EXOSC4: variants seen among roughly 807,000 people sequenced by gnomAD.
EXOSC4 encodes the protein exosome complex component RRP41.
EXOSC4 carries 14 observed loss-of-function variants against 20.0 expected under a neutral mutation model. The ratio of observed to expected loss-of-function variants is 0.70; its 90% CI spans 0.46 to 1.09. The LOEUF is 1.09. Among genes scored for constraint, EXOSC4 ranks in the 50% least tolerant of loss-of-function variants. EXOSC4 has a pLI of 0.00. For missense variants in EXOSC4, 337 were observed against 334.0 expected, an observed-to-expected ratio of 1.01 and a Z score of -0.07; for synonymous variants, 148 against 146.4, an observed-to-expected ratio of 1.01 and a Z score of -0.08.
At chr8:144,072,097 G>A in the EXOSC4 span, among the ~76,000 whole-genome samples, 22 of 152,344 alleles carry the variant, frequency 1.4e-4, no homozygotes, top group East Asian at 3.9e-4. Flanking sequence ...TACGACATCC[G>A]TCACCTGGGT....
At chr8:144,065,287 T>C in the EXOSC4 span, among the ~76,000 whole-genome samples, 3 of 152,346 alleles carry the variant, frequency 2.0e-5, no homozygotes, top group Admixed American at 6.5e-5. Context: ...ATTTGTAGAC[T>C]GTCCTGGGAT....
chr8:144,064,309 C>T, the EXOSC4 span, among the ~76,000 whole-genome samples: 1 of 152,266 alleles, frequency 6.6e-6, no homozygotes, highest in Non-Finnish European at 1.5e-5. Context: ...CCAGCCACAG[C>T]CTCCAGGCCT....
rs781997916 is a variant in EXOSC4, at chr8:144,080,093, G to C, written c.322G>C (p.Glu108Gln). The C allele has an allele frequency of 6.8e-6, 11 of 1,614,062 alleles. No individual in the cohort carries two copies. The South Asian group carries it at 1.2e-4, about 18-fold the overall frequency. ...EMGLQLRQTF[E>Q]AAILTQLHPR... ...GGGCCTGCAGCTCCGCCAGACTTTCGAAGCAGCCATCCTCACACAGCTGCA... is the reference window on the plus strand; with the variant it reads ...GGGCCTGCAGCTCCGCCAGACTTTCCAAGCAGCCATCCTCACACAGCTGCA... Residue 108 changes from glutamate to glutamine, a missense_variant, in exon 2 of 3, where the codon GAA becomes CAA. Coordinates refer to ENST00000316052, the MANE Select transcript of EXOSC4 (RefSeq NM_019037.3). This position sits in a 1 kb window ranked among gnomAD's most constrained non-coding sequence, Gnocchi z 4.9.
chr8:144,070,680 T>C, the EXOSC4 span, among the ~76,000 whole-genome samples: 2 of 148,256 alleles, frequency 1.3e-5, no homozygotes, highest in African/African-American at 5.0e-5. Context: ...TACAAAACAT[T>C]AGCCGGGCAT....
chr8:144,078,591 G>T, upstream of EXOSC4: 4 of 962,248 alleles, frequency 4.2e-6, no homozygotes, highest in Non-Finnish European at 4.3e-6. The surrounding 1 kb of genome is among the most constrained non-coding windows in gnomAD (Gnocchi z 4.7). Context: ...GGGCCGCGGA[G>T]AGCTGTAGTT....
Position 144,080,052 on chromosome 8 carries a change from G to A in EXOSC4, c.281G>A (p.Arg94His), listed in dbSNP as rs781952585. 1.7e-5 allele frequency: 28 copies of A among 1,613,960 alleles called. No individual in the cohort carries two copies. In the African/African-American group the frequency reaches 2.1e-4, roughly 12 times the overall value. ...GERKRRPHGD[R>H]KSCEMGLQLR... ...CGCAAGCGACGGCCACATGGGGACC[G>A]TAAGTCCTGTGAGATGGGCCTGCAG... is the stretch of plus-strand genomic sequence containing the variant. Residue 94 changes from arginine (R) to histidine (H), a missense_variant, in exon 2 of 3, where the codon CGT (arginine) becomes CAT (histidine). Arg to His is a conservative substitution (Grantham distance 29). Transcript: ENST00000316052. The surrounding 1 kb of genome is among the most constrained non-coding windows in gnomAD (Gnocchi z 4.9).
upstream of EXOSC4, among the ~76,000 whole-genome samples, chr8:144,075,081 T>C (rs1554762577): frequency 2.0e-5 from 3 of 151,970 alleles, no homozygotes; most frequent in East Asian, 5.8e-4. Flanking sequence ...GTTTTTTGTT[T>C]TGACAGGGTC....
the EXOSC4 span, among the ~76,000 whole-genome samples, chr8:144,070,742 C>T: frequency 2.0e-5 from 3 of 151,948 alleles, no homozygotes; most frequent in Non-Finnish European, 4.4e-5. Flanking sequence ...GCAGGAGAAT[C>T]CCTTGAACCC....
chr8:144,070,358 T>C, the EXOSC4 span, among the ~76,000 whole-genome samples: 1 of 151,898 alleles, frequency 6.6e-6, no homozygotes, highest in Non-Finnish European at 1.5e-5. Context: ...ACCCCGTCTC[T>C]AATAAAAATA....
chr8:144,067,192 A>C, the EXOSC4 span, among the ~76,000 whole-genome samples: 84 of 152,356 alleles, frequency 5.5e-4, no homozygotes, highest in African/African-American at 2.0e-3. Context: ...AATTCTCAGA[A>C]GGCTTCCAGG....
chr8:144,080,248 C>T lies in EXOSC4; in HGVS notation c.385C>T (p.Gln129Ter). The part of the protein sequence containing the change: ...SQIDIYVQVL[Q>*]ADGGTYAACV... ...CACCCTGGGTTCCCTGCAGGTGCTA[C>T]AGGCAGATGGTGGGACCTATGCAGC... The change falls in exon 3 of 3, where the codon CAG becomes TAG. Residue 129 changes from glutamine (Q) to a stop codon, truncating the protein, a stop_gained. Transcript: ENST00000316052. LOFTEE classifies it high-confidence loss of function. The surrounding 1 kb of genome is among the most constrained non-coding windows in gnomAD (Gnocchi z 4.9). 6.2e-7 allele frequency: 1 copy of T among 1,613,102 alleles called. No homozygotes were observed. Among genetic ancestry groups the T allele is most frequent in the Non-Finnish European group, 8.5e-7 (1 of 1,179,400 alleles).
chr8:144,076,551 G>A (rs551091614), upstream of EXOSC4, among the ~76,000 whole-genome samples: 2 of 152,324 alleles, frequency 1.3e-5, no homozygotes, highest in African/African-American at 4.8e-5. Context: ...TCCTAAACCT[G>A]TAATGCTGCC....
At chr8:144,076,940 G>A (rs1554762823), upstream of EXOSC4, among the ~76,000 whole-genome samples, 1 of 152,122 alleles carries the variant, frequency 6.6e-6, no homozygotes, top group Non-Finnish European at 1.5e-5. Context: ...GCATGGTGGT[G>A]CATGCCTGTA....
rs782582326 is a variant in EXOSC4, at chr8:144,080,160, T to C, written c.378+11T>C. 1 of 1,608,652 alleles carries C rather than the reference T, an allele frequency of 6.2e-7. No individual in the cohort carries two copies. The highest frequency in any genetic ancestry group is 8.5e-7 in the Non-Finnish European group (1 of 1,175,838). ...GATATCTATGTGCAGGTGAGCCAGC[T>C]GCAGCCGTCAATCCAGGGAGGGAAG... On this transcript the variant is annotated intron_variant, in intron 2 of 2. Transcript: ENST00000316052. The surrounding 1 kb of genome is among the most constrained non-coding windows in gnomAD (Gnocchi z 4.9).
the EXOSC4 span, among the ~76,000 whole-genome samples, chr8:144,072,381 A>T: frequency 6.6e-6 from 1 of 152,162 alleles, no homozygotes; most frequent in Non-Finnish European, 1.5e-5. Flanking sequence ...GGATTTCACC[A>T]TGGTGGCCAG....
chr8:144,070,753 G>A, the EXOSC4 span, among the ~76,000 whole-genome samples: 2 of 150,832 alleles, frequency 1.3e-5, no homozygotes, highest in Admixed American at 6.6e-5. Context: ...CCTTGAACCC[G>A]GGAGGCAGAA....
the EXOSC4 span, among the ~76,000 whole-genome samples, chr8:144,064,156 T>A: frequency 6.6e-6 from 1 of 152,344 alleles, no homozygotes; most frequent in Non-Finnish European, 1.5e-5. Flanking sequence ...TGCCCAGAAC[T>A]GTCCCAGGTC....
At chr8:144,079,154 A>C in intron 1 of EXOSC4, 1 of 377,506 alleles carries the variant, frequency 2.6e-6, no homozygotes, top group South Asian at 7.7e-5. Flanking sequence ...GCACTCCCCC[A>C]CTCGCTCCCT....
chr8:144,074,069 C>T (rs1835814851), upstream of EXOSC4, among the ~76,000 whole-genome samples: 1 of 152,176 alleles, frequency 6.6e-6, no homozygotes, highest in Non-Finnish European at 1.5e-5. Context: ...AGTTGGCGCT[C>T]GAGAAACAGG....
Sources: gnomAD v4.1 joint callset for allele counts (sites outside exome capture counted in the v4.1 genomes callset) on GRCh38, gnomAD v4.1.1 for gene constraint, Gnocchi (gnomAD v3.1) non-coding constraint, MANE v1.5 for transcripts, NCBI Gene and HGNC (gene_info 2026-07-23, HGNC 2026-07-21) for gene names.